Variants in PLXNA4 observed in about 807,000 individuals in gnomAD.
The protein encoded by PLXNA4 is plexin A4.
A neutral mutation model predicts 191.8 loss-of-function variants in PLXNA4; 44 were observed. That is an observed-to-expected ratio of 0.23 (90% CI 0.18 to 0.29). PLXNA4 has a LOEUF of 0.29. Among genes scored for constraint, PLXNA4 ranks in the 10% least tolerant of loss-of-function variants. PLXNA4 has a pLI of 1.00. For missense variants in PLXNA4, 1,800 were observed against 2,488.8 expected, an observed-to-expected ratio of 0.72 and a Z score of 5.89; for synonymous variants, 1,082 against 1,009.5, an observed-to-expected ratio of 1.07 and a Z score of -1.36.
chr7:132,421,355 T>C (rs973315178), intron 3 of PLXNA4, among the ~76,000 whole-genome samples: 3 of 152,192 alleles, frequency 2.0e-5, no homozygotes, highest in Admixed American at 6.5e-5. Flanking sequence ...AGAGGAGTTT[T>C]AACATATGAC....
At chr7:132,185,732 A>C (rs1796857841) in intron 15 of PLXNA4, among the ~76,000 whole-genome samples, 1 of 152,320 alleles carries the variant, frequency 6.6e-6, no homozygotes, top group African/African-American at 2.4e-5. Context: ...AATCTGGCTA[A>C]GTCTATTTGG....
intron 3 of PLXNA4, among the ~76,000 whole-genome samples, chr7:132,311,156 T>TTGTGTG (rs749947062): frequency 0.12 from 16,001 of 131,978 alleles, 1,180 homozygotes; most frequent in East Asian, 0.24. Context: ...TCTAGGATAA[T>TTGTGTG]TGTGTGTGTG....
intron 9 of PLXNA4, among the ~76,000 whole-genome samples, chr7:132,219,199 G>C (rs1798064655): frequency 6.6e-6 from 1 of 152,198 alleles, no homozygotes; most frequent in South Asian, 2.1e-4. Flanking sequence ...CAGGGCCTGG[G>C]TATACCTTCA....
chr7:132,307,500 G>C (rs1563025242), intron 3 of PLXNA4, among the ~76,000 whole-genome samples: 2 of 152,214 alleles, frequency 1.3e-5, no homozygotes, highest in East Asian at 3.9e-4. Context: ...AACACTCAAA[G>C]TAATCATCTT....
chr7:132,471,451 T>C (rs1427399273), intron 3 of PLXNA4, among the ~76,000 whole-genome samples: 3 of 152,160 alleles, frequency 2.0e-5, no homozygotes, highest in South Asian at 2.1e-4. Flanking sequence ...CCCTCTTCCT[T>C]CATCCCTTCA....
intron 9 of PLXNA4, among the ~76,000 whole-genome samples, chr7:132,212,055 G>A (rs1797820108): frequency 6.6e-6 from 1 of 152,166 alleles, no homozygotes; most frequent in Admixed American, 6.5e-5. Flanking sequence ...CAGGCGTGAA[G>A]CCTTCCATAA....
At chr7:132,319,626 C>A (rs7802486) in intron 3 of PLXNA4, among the ~76,000 whole-genome samples, 224 of 152,364 alleles carry the variant, frequency 1.5e-3, no homozygotes, top group African/African-American at 5.2e-3. Context: ...GAAGTTTTGG[C>A]TCTGCATTCT....
chr7:132,572,701 G>A (rs867578745), intron 1 of PLXNA4, among the ~76,000 whole-genome samples: 2 of 152,184 alleles, frequency 1.3e-5, no homozygotes, highest in Admixed American at 6.5e-5. Flanking sequence ...CAACTTGAAT[G>A]GTACAGCCTG....
chr7:132,151,668 G>T (rs1795649802), intron 25 of PLXNA4, among the ~76,000 whole-genome samples: 1 of 152,074 alleles, frequency 6.6e-6, no homozygotes, highest in African/African-American at 2.4e-5. Flanking sequence ...GAAAGTAGTA[G>T]TTGAAATTGT....
chr7:132,328,246 C>A (rs1298078862), intron 3 of PLXNA4, among the ~76,000 whole-genome samples: 1 of 152,098 alleles, frequency 6.6e-6, no homozygotes, highest in African/African-American at 2.4e-5. Context: ...TGGCTCCAGG[C>A]ACATCCTCGT....
At chr7:132,156,872 A>G (rs1469165487) in intron 25 of PLXNA4, among the ~76,000 whole-genome samples, 2 of 152,212 alleles carry the variant, frequency 1.3e-5, no homozygotes, top group Admixed American at 1.3e-4. Flanking sequence ...AGCTTTGGTA[A>G]GAAGAAGCCT....
chr7:132,641,903 C>T (rs1194687409), intron 2 of PLXNA4, among the ~76,000 whole-genome samples: 1 of 152,114 alleles, frequency 6.6e-6, no homozygotes, highest in African/African-American at 2.4e-5. Flanking sequence ...CAGCCCACAG[C>T]ATCATAAGAT....
rs373772380 is a variant in PLXNA4, at chr7:132,484,992, C to T, written c.1371+4300G>A. 1.9e-5 allele frequency: 30 copies of T among 1,614,034 alleles called. No homozygotes were observed. Among genetic ancestry groups the T allele is most frequent in the East Asian group, 1.3e-4 (6 of 44,898 alleles). ...CCAATCCACTCCTGGGTGATTCCCC[C>T]TTGTGGACCTGTGCCGAAGGACTAG... On this transcript the variant is annotated intron_variant, in intron 3 of 31. Coordinates refer to ENST00000321063, the MANE Select transcript of PLXNA4 (RefSeq NM_020911.2).
intron 1 of PLXNA4, among the ~76,000 whole-genome samples, chr7:132,563,412 CCCT>C (rs1448740232): frequency 2.7e-4 from 13 of 48,478 alleles, no homozygotes; most frequent in South Asian, 1.0e-3. Flanking sequence ...CTCCTCCTCT[CCCT>C]CCTCCTCCTT....
At chr7:132,584,775 CT>C (rs1802476651) in intron 2 of PLXNA4, among the ~76,000 whole-genome samples, 1 of 152,072 alleles carries the variant, frequency 6.6e-6, no homozygotes, top group African/African-American at 2.4e-5. Context: ...ATTCTTTTTT[CT>C]TTTTGACGTT....
intron 4 of PLXNA4, among the ~76,000 whole-genome samples, chr7:132,288,039 C>G (rs929945528): frequency 6.6e-6 from 1 of 152,124 alleles, no homozygotes; most frequent in South Asian, 2.1e-4. Context: ...GATAGTATCT[C>G]TTGCTCTCAC....
chr7:132,179,983 C>T, intron 19 of PLXNA4, 62 bp from the exon 20 acceptor site: 1 of 1,518,828 alleles, frequency 6.6e-7, no homozygotes, highest in South Asian at 1.2e-5. Flanking sequence ...GGCAACAGTC[C>T]CAAGTTACCC....
intron 3 of PLXNA4, chr7:132,485,114 G>A (rs1003918893): frequency 6.6e-7 from 1 of 1,511,640 alleles, no homozygotes; most frequent in Non-Finnish European, 8.9e-7. Flanking sequence ...AATGGTTTTT[G>A]TACTATATAC....
At chr7:132,334,252 C>CTTTTTTGTTTT (rs1802720547) in intron 3 of PLXNA4, among the ~76,000 whole-genome samples, 1 of 75,608 alleles carries the variant, frequency 1.3e-5, no homozygotes, top group Admixed American at 1.8e-4. Flanking sequence ...TTCTTTCTTT[C>CTTTTTTGTTTT]TTTTTTTTTT....
Sources: allele counts gnomAD v4.1 joint callset (sites outside exome capture counted in the v4.1 genomes callset), GRCh38; gene constraint gnomAD v4.1.1; transcripts MANE v1.5; gene names NCBI Gene and HGNC (gene_info 2026-07-23, HGNC 2026-07-21).